Variants in CWC27 observed in about 807,000 individuals in gnomAD.
CWC27 encodes CWC27 spliceosome associated cyclophilin.
Under a neutral mutation model 63.6 loss-of-function variants are expected in CWC27, and 47 were observed. The observed-to-expected ratio is 0.74, with a 90% CI of 0.58 to 0.94. CWC27 has a LOEUF of 0.94. Ranked by LOEUF, CWC27 falls within the 40% of genes least tolerant of loss-of-function variation. The pLI, the probability that CWC27 is intolerant of heterozygous loss-of-function variation, is 0.00. For missense variants in CWC27, 495 were observed against 554.3 expected (o/e 0.89, Z 1.07); for synonymous variants, 175 against 179.8 (o/e 0.97, Z 0.22).
chr5:64,804,326 C>G lies in CWC27; in HGVS notation c.878C>G (p.Thr293Arg), dbSNP rs551945418. Residue 293 changes from threonine to arginine, a missense_variant, in exon 10 of 14, where the codon ACA becomes AGA. Coordinates refer to ENST00000381070, the MANE Select transcript of CWC27 (RefSeq NM_005869.4). Reference protein sequence around the residue: ...ERIAKKLKKDTSANVKSAGEG... With the variant: ...ERIAKKLKKDRSANVKSAGEG... ...ATTGCCAAAAAATTAAAAAAGGACA[C>G]AAGTGCGAATGTTAAATCAGCTGGA... 20 of 1,612,758 alleles carry G rather than the reference C, an allele frequency of 1.2e-5. No individual in the cohort carries two copies. Among genetic ancestry groups the G allele is most frequent in the Non-Finnish European group, 2.5e-6 (3 of 1,179,516 alleles).
intron 2 of CWC27, among the ~76,000 whole-genome samples, chr5:64,779,322 G>A (rs921505731): frequency 1.3e-5 from 2 of 152,114 alleles, no homozygotes; most frequent in Non-Finnish European, 1.5e-5. Context: ...TGCCTAACTC[G>A]ATGATTGGCT....
chr5:64,817,902 G>T (rs771977893), intron 10 of CWC27, among the ~76,000 whole-genome samples: 5 of 152,050 alleles, frequency 3.3e-5, no homozygotes, highest in Non-Finnish European at 5.9e-5. Flanking sequence ...TCAGTGCCTT[G>T]TTATATCTTT....
chr5:64,996,543 G>A (rs1749635641), intron 13 of CWC27, among the ~76,000 whole-genome samples: 1 of 151,112 alleles, frequency 6.6e-6, no homozygotes, highest in South Asian at 2.1e-4. Context: ...AAGTGTTGTT[G>A]TGCCCAAATT....
intron 7 of CWC27, among the ~76,000 whole-genome samples, chr5:64,795,992 A>G (rs558311990): frequency 6.8e-5 from 10 of 147,766 alleles, no homozygotes; most frequent in African/African-American, 2.5e-4. Flanking sequence ...CCATTTAAAA[A>G]GAAATTGTGC....
intron 13 of CWC27, among the ~76,000 whole-genome samples, chr5:65,007,601 T>C (rs1286728349): frequency 6.6e-6 from 1 of 150,896 alleles, no homozygotes; most frequent in African/African-American, 2.4e-5. Flanking sequence ...TCTGTGCTCA[T>C]GTGCTCCTCA....
At chr5:64,799,606 A>ATATATATATAT (rs1272954189) in intron 7 of CWC27, among the ~76,000 whole-genome samples, 14 of 149,580 alleles carry the variant, frequency 9.4e-5, no homozygotes, top group South Asian at 4.3e-4. Flanking sequence ...ATATATACTT[A>ATATATATATAT]ATAGCAGCAG....
chr5:64,840,757 A>G (rs1025468575), intron 10 of CWC27, among the ~76,000 whole-genome samples: 3 of 152,142 alleles, frequency 2.0e-5, no homozygotes, highest in Non-Finnish European at 4.4e-5. Flanking sequence ...TGGCCTAAAT[A>G]TGAACAGTGG....
At chr5:64,848,454 CAA>C (rs1338618111) in intron 10 of CWC27, among the ~76,000 whole-genome samples, 1 of 131,310 alleles carries the variant, frequency 7.6e-6, no homozygotes, top group Non-Finnish European at 1.7e-5. Context: ...TCCAGAAAAC[CAA>C]AGAGGAGGGA....
intron 10 of CWC27, among the ~76,000 whole-genome samples, chr5:64,878,470 T>TAAAAAAAAA (rs397998002): frequency 0.011 from 302 of 26,938 alleles, 79 homozygotes; most frequent in African/African-American, 0.029. Context: ...GGTTACAGAT[T>TAAAAAAAAA]AAAAAAAAAA....
chr5:64,774,555 C>T (rs563518282), intron 1 of CWC27, 136 bp from the exon 2 acceptor site: 1 of 480,532 alleles, frequency 2.1e-6, no homozygotes, highest in Non-Finnish European at 3.6e-6. Context: ...TTGAGTATAT[C>T]AACAAAAGCC....
chr5:64,895,789 A>AT (rs1747359348), intron 11 of CWC27, among the ~76,000 whole-genome samples: 1 of 152,218 alleles, frequency 6.6e-6, no homozygotes, highest in South Asian at 2.1e-4. Context: ...AATAGTTAAC[A>AT]TTAAAAACTT....
At chr5:64,982,731 C>A (rs1465679938) in intron 13 of CWC27, among the ~76,000 whole-genome samples, 1 of 152,150 alleles carries the variant, frequency 6.6e-6, no homozygotes, top group East Asian at 1.9e-4. Flanking sequence ...ACTTAGCCAA[C>A]TTCACCCTTT....
chr5:64,915,415 T>C (rs2112383721), intron 11 of CWC27, among the ~76,000 whole-genome samples: 1 of 152,348 alleles, frequency 6.6e-6, no homozygotes, highest in Non-Finnish European at 1.5e-5. Flanking sequence ...GGGATGCTTC[T>C]GCAAAGTTGG....
chr5:64,973,349 A>G (rs1749159059), intron 12 of CWC27, among the ~76,000 whole-genome samples: 1 of 152,230 alleles, frequency 6.6e-6, no homozygotes, highest in African/African-American at 2.4e-5. Flanking sequence ...GACTGGATAC[A>G]GGACAGGACC....
At chr5:64,800,577 A>G (rs1744455109) in intron 8 of CWC27, among the ~76,000 whole-genome samples, 1 of 152,212 alleles carries the variant, frequency 6.6e-6, no homozygotes, top group Non-Finnish European at 1.5e-5. Flanking sequence ...TTACCATTAC[A>G]TGTTAGGACT....
intron 11 of CWC27, among the ~76,000 whole-genome samples, chr5:64,929,138 A>C (rs1173808451): frequency 6.6e-6 from 1 of 152,168 alleles, no homozygotes; most frequent in East Asian, 1.9e-4. Flanking sequence ...AACTTTTGGG[A>C]ATGGATTGGT....
At chr5:64,874,043 G>A (rs1366486930) in intron 10 of CWC27, among the ~76,000 whole-genome samples, 1 of 150,800 alleles carries the variant, frequency 6.6e-6, no homozygotes, top group African/African-American at 2.4e-5. Flanking sequence ...TGAAGGCTTT[G>A]CTCATTTAAA....
intron 13 of CWC27, among the ~76,000 whole-genome samples, chr5:65,011,753 C>T (rs1202060719): frequency 1.3e-5 from 2 of 152,164 alleles, no homozygotes; most frequent in Non-Finnish European, 2.9e-5. Flanking sequence ...CTTAGTAATT[C>T]GATGGCTGAG....
chr5:64,938,409 C>A (rs558457601), intron 11 of CWC27, among the ~76,000 whole-genome samples: 2 of 152,214 alleles, frequency 1.3e-5, no homozygotes, highest in Admixed American at 6.5e-5. Context: ...AAATTCTTTT[C>A]CTTAAGAATG....
Sources: allele counts gnomAD v4.1 joint callset (sites outside exome capture counted in the v4.1 genomes callset), GRCh38; gene constraint gnomAD v4.1.1; transcripts MANE v1.5; gene names NCBI Gene and HGNC (gene_info 2026-07-23, HGNC 2026-07-21).